The following CCM2L variants were observed in gnomAD, a reference collection of about 807,000 sequenced individuals.
CCM2L encodes the protein CCM2 like scaffold protein.
Under a neutral mutation model 54.1 loss-of-function variants are expected in CCM2L, and 36 were observed. The ratio of observed to expected loss-of-function variants is 0.67; its 90% confidence interval spans 0.51 to 0.88. The LOEUF is 0.88. Ranked by LOEUF, CCM2L falls within the 40% of genes least tolerant of loss-of-function variation. CCM2L has a pLI of 0.00. For synonymous variants in CCM2L, 351 were observed against 359.3 expected (o/e 0.98, Z 0.26); for missense variants, 700 against 812.1 (o/e 0.86, Z 1.68).
Position 32,017,817 on chromosome 20 carries a change from C to T in CCM2L, c.216C>T (p.Thr72=), listed in dbSNP as rs763518608. 1 of 1,614,128 alleles carries T rather than the reference C, an allele frequency of 6.2e-7. No individual in the cohort carries two copies. The highest frequency in any genetic ancestry group is 2.2e-5 in the East Asian group (1 of 44,868). Reference sequence around the variant, plus strand: ...CCATCCAGTTCCTGGGCCACCTTACCTGGGTGACTTCCTCACTGAACCCCT... The same window carrying T: ...CCATCCAGTTCCTGGGCCACCTTACTTGGGTGACTTCCTCACTGAACCCCT... The part of the protein sequence containing the change: ...EKEVKFLGHL[T]WVTSSLNPSS... Residue 72 remains threonine (T), a synonymous_variant, in exon 3 of 10, where the codon ACC becomes ACT. Transcript: ENST00000452892.
At chr20:32,030,968 T>A in intron 9 of CCM2L, 33 bp from the exon 10 acceptor site, 1 of 1,301,628 alleles carries the variant, frequency 7.7e-7, no homozygotes, top group Non-Finnish European at 1.0e-6. Context: ...AGGGAACGTG[T>A]CCTGGGGACT....
chr20:32,012,522 T>C (rs2064703344), intron 1 of CCM2L, among the ~76,000 whole-genome samples: 1 of 152,194 alleles, frequency 6.6e-6, no homozygotes, highest in African/African-American at 2.4e-5. Context: ...GTTATGCTGA[T>C]GGCTGTGGGG....
In CCM2L at chr20:32,022,713, C is replaced by T. The variant is rs776385104; in HGVS notation, c.987C>T (p.Tyr329=). 14 of 1,614,036 alleles carry T rather than the reference C, an allele frequency of 8.7e-6. No individual in the cohort carries two copies. The East Asian group carries it at 8.9e-5, about 10-fold the overall frequency. ...ALICQVFQII[Y]GDQSIECVDR... is the part of the protein sequence containing the mutation. ...TCTGTCAGGTCTTCCAGATCATCTA[C>T]GGGGACCAGAGTATTGAGTGTGTGG... The change falls in exon 6 of 10, where the codon TAC becomes TAT. Residue 329 remains tyrosine (Y), a synonymous_variant. Transcript: ENST00000452892.
rs188227542 is a variant in CCM2L, at chr20:32,024,815, G to A, written c.1070-1041G>A. Among the ~76,000 whole-genome samples the A allele has an allele frequency of 2.5e-4, 38 of 152,250 alleles. 1 individual carries two copies. The highest frequency in any genetic ancestry group is 8.2e-4 in the African/African-American group (34 of 41,564). ...GCACTCCAGCCTGGGCGACAACAGC[G>A]AAACTCTGCCTCAAAATAAATAAAT... On this transcript the variant is annotated intron_variant, in intron 6 of 9. Transcript: ENST00000452892.
At chr20:32,020,188 C>A (rs2064790153) in intron 5 of CCM2L, among the ~76,000 whole-genome samples, 1 of 152,184 alleles carries the variant, frequency 6.6e-6, no homozygotes, top group Non-Finnish European at 1.5e-5. Context: ...TAAGCTTTTC[C>A]TCTGATCTTG....
chr20:32,018,297 G>A, intron 4 of CCM2L, 135 bp downstream of exon 4: 2 of 715,536 alleles, frequency 2.8e-6, no homozygotes, highest in South Asian at 2.2e-5. Context: ...TGCGGCGGGG[G>A]CAGAGGAGAT....
intron 2 of CCM2L, among the ~76,000 whole-genome samples, chr20:32,017,278 C>G (rs2064748582): frequency 6.6e-6 from 1 of 152,152 alleles, no homozygotes; most frequent in African/African-American, 2.4e-5. Flanking sequence ...AACATTCTTC[C>G]CTTTCCATTT....
chr20:32,022,202 A>G (rs1421216423), intron 5 of CCM2L, among the ~76,000 whole-genome samples: 1 of 152,220 alleles, frequency 6.6e-6, no homozygotes, highest in Non-Finnish European at 1.5e-5. Flanking sequence ...ACTGAATGCT[A>G]GGAAGCTCAT....
chr20:32,023,595 C>T (rs1324337599), intron 6 of CCM2L, among the ~76,000 whole-genome samples: 4 of 152,252 alleles, frequency 2.6e-5, no homozygotes, highest in Admixed American at 2.0e-4. Context: ...CTTGCCTGTC[C>T]TCTTTGTCAC....
At chr20:32,014,266 T>A (rs1415108281) in intron 1 of CCM2L, among the ~76,000 whole-genome samples, 29 of 145,498 alleles carry the variant, frequency 2.0e-4, no homozygotes, top group Middle Eastern at 3.6e-3. Flanking sequence ...TATATATTTT[T>A]TTTTTTTTTT....
At chr20:32,023,479 T>C (rs2064826000) in intron 6 of CCM2L, among the ~76,000 whole-genome samples, 1 of 152,212 alleles carries the variant, frequency 6.6e-6, no homozygotes, top group Non-Finnish European at 1.5e-5. Flanking sequence ...AGATGGGTGC[T>C]TGGATGCACT....
intron 6 of CCM2L, among the ~76,000 whole-genome samples, chr20:32,025,424 G>A (rs907679928): frequency 3.3e-5 from 5 of 151,686 alleles, no homozygotes; most frequent in African/African-American, 7.3e-5. Flanking sequence ...ATGCACCACC[G>A]CACCCAGCTA....
chr20:32,020,327 C>T (rs1312187700), intron 5 of CCM2L, among the ~76,000 whole-genome samples: 2 of 152,208 alleles, frequency 1.3e-5, no homozygotes, highest in Non-Finnish European at 2.9e-5. Context: ...GAAACACTTC[C>T]TCACTTGGCT....
chr20:32,013,681 C>T (rs2064713425), intron 1 of CCM2L, among the ~76,000 whole-genome samples: 2 of 152,038 alleles, frequency 1.3e-5, no homozygotes, highest in African/African-American at 4.8e-5. Context: ...AACTCCTGGG[C>T]TCCAGCTCTC....
chr20:32,014,879 C>T (rs767747312), intron 1 of CCM2L, 25 bp from the exon 2 acceptor site: 4 of 1,572,836 alleles, frequency 2.5e-6, no homozygotes, highest in East Asian at 4.9e-5. Flanking sequence ...ACTGTTATCA[C>T]TCTCATTCCT....
chr20:32,010,740 A>C (rs566448966), intron 1 of CCM2L, among the ~76,000 whole-genome samples: 1 of 152,060 alleles, frequency 6.6e-6, no homozygotes, highest in South Asian at 2.1e-4. Flanking sequence ...GGCCAGACGG[A>C]CTCAGTTTGG....
chr20:32,015,808 C>G (rs955196095), intron 2 of CCM2L, among the ~76,000 whole-genome samples: 18 of 151,392 alleles, frequency 1.2e-4, no homozygotes, highest in African/African-American at 4.4e-4. Context: ...CGGACAGCGT[C>G]CAGATTAACA....
chr20:32,029,741 G>A lies in CCM2L; in HGVS notation c.1305G>A (p.Ala435=), dbSNP rs752352558. The change falls in exon 9 of 10, where the codon GCG becomes GCA. Residue 435 remains alanine (A), a synonymous_variant. Coordinates refer to ENST00000452892, the MANE Select transcript of CCM2L (RefSeq NM_001365692.1). ...GGCCCCTCGAGATCCAGCAGTTTGCGATGCTGCTGCGGGAGTACCGGCTGG... is the reference window on the plus strand; with the variant it reads ...GGCCCCTCGAGATCCAGCAGTTTGCAATGCTGCTGCGGGAGTACCGGCTGG... ...KLGPLEIQQF[A]MLLREYRLGL... 1.2e-5 allele frequency: 19 copies of A among 1,613,320 alleles called. No individual in the cohort carries two copies. Among genetic ancestry groups the A allele is most frequent in the Admixed American group, 8.3e-5 (5 of 59,942 alleles).
chr20:32,017,449 A>G (rs1165441503), intron 2 of CCM2L, among the ~76,000 whole-genome samples: 1 of 152,218 alleles, frequency 6.6e-6, no homozygotes, highest in Admixed American at 6.5e-5. Flanking sequence ...TCTTATAGCT[A>G]GATGACTATG....
Sources: gnomAD v4.1 joint callset for allele counts (sites outside exome capture counted in the v4.1 genomes callset) on GRCh38, gnomAD v4.1.1 for gene constraint, MANE v1.5 for transcripts, NCBI Gene and HGNC (gene_info 2026-07-23, HGNC 2026-07-21) for gene names.